DNAH3: variants seen among roughly 807,000 people sequenced by gnomAD.
DNAH3 encodes axonemal beta dynein heavy chain 3.
A neutral mutation model predicts 432.5 loss-of-function variants in DNAH3; 332 were observed. That is an observed-to-expected ratio of 0.77 (90% confidence interval 0.70 to 0.84). The LOEUF is 0.84. Ranked by LOEUF, DNAH3 falls within the 40% of genes least tolerant of loss-of-function variation. The pLI is 0.00. For missense variants in DNAH3, 4,861 were observed against 5,114.0 expected (o/e 0.95, Z 1.51); for synonymous variants, 1,956 against 1,900.2 (o/e 1.03, Z -0.76).
chr16:21,097,379 T>C (rs1246637597), exon 18 of DNAH3: 4 of 1,613,864 alleles, frequency 2.5e-6, no homozygotes, highest in East Asian at 4.5e-5. Flanking sequence ...TCTGACTTGA[T>C]GCTGAACTCA....
chr16:20,987,318 T>C lies in DNAH3; in HGVS notation c.7013A>G (p.Gln2338Arg). 3 of 1,614,182 alleles carry C rather than the reference T, an allele frequency of 1.9e-6. 1 individual carries two copies. In the South Asian group the frequency reaches 3.3e-5, roughly 18 times the overall value. The change falls in exon 47 of 62, where the codon CAG becomes CGG. Residue 2338 changes from glutamine (Q) to arginine (R), a missense_variant. Transcript: ENST00000261383. ...AATCTGGTTTACCTTCTCTATGGTC[T>C]GCTTGAAGCAATTGGAGGTGGTTTC...
At chr16:20,963,685 C>T (rs1357854108) in exon 53 of DNAH3, 1 of 1,613,976 alleles carries the variant, frequency 6.2e-7, no homozygotes, top group Non-Finnish European at 8.5e-7. Flanking sequence ...CAGTGCGATG[C>T]CTCCAGTGAG....
chr16:21,101,505 A>G (rs2091837325), intron 16 of DNAH3, among the ~76,000 whole-genome samples: 1 of 152,242 alleles, frequency 6.6e-6, no homozygotes, highest in African/African-American at 2.4e-5. Context: ...TAAGAGTTGT[A>G]TTTGTGGGAC....
intron 20 of DNAH3, among the ~76,000 whole-genome samples, chr16:21,078,275 CAAAAAAAAAA>C (rs1202846920): frequency 2.4e-5 from 2 of 83,868 alleles, no homozygotes; most frequent in South Asian, 4.4e-4. Flanking sequence ...AATTCCGTCT[CAAAAAAAAAA>C]AAAAAAAAAA....
intron 41 of DNAH3, among the ~76,000 whole-genome samples, chr16:21,005,441 G>C (rs1039644589): frequency 5.9e-5 from 9 of 151,670 alleles, no homozygotes; most frequent in Non-Finnish European, 1.0e-4. Flanking sequence ...TGGTGCAGTG[G>C]TGCAATCACA....
chr16:21,060,526 C>CTTTTTT (rs375746116), intron 25 of DNAH3, among the ~76,000 whole-genome samples, 170 bp from the exon 26 acceptor site: 1 of 93,420 alleles, frequency 1.1e-5, no homozygotes, highest in African/African-American at 3.9e-5. Context: ...TTTTTTTTTT[C>CTTTTTT]TTTTTTTTTT....
intron 44 of DNAH3, 36 bp from the exon 45 acceptor site, chr16:20,988,101 A>G: frequency 6.2e-7 from 1 of 1,611,624 alleles, no homozygotes; most frequent in Non-Finnish European, 8.5e-7. Context: ...TCATCCTGGA[A>G]AACACATATT....
intron 20 of DNAH3, among the ~76,000 whole-genome samples, chr16:21,078,168 A>G (rs9930127): frequency 0.53 from 80,111 of 151,218 alleles, 21,100 homozygotes; most frequent in South Asian, 0.62. Context: ...CCAGCTACTC[A>G]GGAGGCTGAG....
At chr16:21,122,767 T>A (rs2092370999) in intron 9 of DNAH3, among the ~76,000 whole-genome samples, 1 of 151,990 alleles carries the variant, frequency 6.6e-6, no homozygotes, top group Admixed American at 6.6e-5. Flanking sequence ...TATAATCTCC[T>A]CCCACTTCTG....
At chr16:21,011,054 A>G (rs1400178322) in intron 41 of DNAH3, among the ~76,000 whole-genome samples, 3 of 152,110 alleles carry the variant, frequency 2.0e-5, no homozygotes, top group Non-Finnish European at 2.9e-5. Flanking sequence ...AGATGAGGCC[A>G]TCGTTGTGGA....
At chr16:21,119,460 T>C (rs2092284938) in intron 11 of DNAH3, among the ~76,000 whole-genome samples, 1 of 151,912 alleles carries the variant, frequency 6.6e-6, no homozygotes, top group South Asian at 2.1e-4. Flanking sequence ...GGCGGAACCC[T>C]GTCTCTACAA....
chr16:20,997,112 A>G, intron 44 of DNAH3, 171 bp downstream of exon 44: 1 of 600,740 alleles, frequency 1.7e-6, no homozygotes, highest in Non-Finnish European at 2.9e-6. Context: ...GTCCCCTTCT[A>G]TTTCACACAA....
chr16:21,058,232 T>G, intron 26 of DNAH3, 36 bp from the exon 27 acceptor site: 1 of 1,322,886 alleles, frequency 7.6e-7, no homozygotes, highest in Non-Finnish European at 1.1e-6. Flanking sequence ...TAGGATCAGT[T>G]CACGTGTGGT....
At chr16:21,006,053 T>C (rs367737712) in intron 41 of DNAH3, among the ~76,000 whole-genome samples, 1 of 152,220 alleles carries the variant, frequency 6.6e-6, no homozygotes, top group African/African-American at 2.4e-5. Context: ...ATATTATTTA[T>C]ACTATTGATT....
chr16:20,953,820 C>T (rs2084428833), intron 55 of DNAH3, among the ~76,000 whole-genome samples: 1 of 151,898 alleles, frequency 6.6e-6, no homozygotes, highest in African/African-American at 2.4e-5. Context: ...TCTTGGCTCA[C>T]TGCAGCCTCC....
chr16:20,984,161 A>ATG (rs61445558), intron 48 of DNAH3, among the ~76,000 whole-genome samples: 40,534 of 150,592 alleles, frequency 0.27, 5,633 homozygotes, highest in African/African-American at 0.33. Context: ...CCTTATCCCA[A>ATG]TGTGTGTGTG....
chr16:20,988,944 C>G (rs1016331213), intron 44 of DNAH3, among the ~76,000 whole-genome samples: 3 of 152,130 alleles, frequency 2.0e-5, no homozygotes, highest in Admixed American at 6.5e-5. Context: ...TTCGTTCCTC[C>G]CGGTGGACTC....
At chr16:21,012,310 A>G (rs949449133) in intron 41 of DNAH3, among the ~76,000 whole-genome samples, 9 of 152,100 alleles carry the variant, frequency 5.9e-5, no homozygotes, top group African/African-American at 2.2e-4. Flanking sequence ...CAAAATAAAC[A>G]AAAGAGGACA....
chr16:21,059,393 G>A (rs78028734), intron 26 of DNAH3, among the ~76,000 whole-genome samples: 13,828 of 152,250 alleles, frequency 0.091, 695 homozygotes, highest in East Asian at 0.14. Context: ...TGTGTCAAGG[G>A]ACAGCAGGGT....
Sources: allele counts gnomAD v4.1 joint callset (sites outside exome capture counted in the v4.1 genomes callset), GRCh38; gene constraint gnomAD v4.1.1; transcripts MANE v1.5; gene names NCBI Gene and HGNC (gene_info 2026-07-23, HGNC 2026-07-21).